The following CHD6 variants were observed in gnomAD, a reference collection of about 807,000 sequenced individuals.
CHD6 encodes chromodomain helicase DNA binding protein 6, also known as ATP-dependent chromatin remodeler CHD6.
In CHD6, 50 loss-of-function variants were observed where a neutral mutation model predicts 276.9. That is an observed-to-expected ratio of 0.18 (90% confidence interval 0.14 to 0.23). The LOEUF (loss-of-function observed/expected upper bound fraction) is 0.23, where lower values mean the gene tolerates loss of function less well. CHD6 is among the 10% of genes least tolerant of loss of function. CHD6 has a pLI of 1.00. For missense variants in CHD6, 2,564 were observed against 3,365.8 expected, an observed-to-expected ratio of 0.76 and a Z score of 5.89; for synonymous variants, 1,173 against 1,229.3, an observed-to-expected ratio of 0.95 and a Z score of 0.96.
At chr20:41,577,813 A>G (rs545416719) in intron 1 of CHD6, among the ~76,000 whole-genome samples, 1 of 152,358 alleles carries the variant, frequency 6.6e-6, no homozygotes, top group African/African-American at 2.4e-5. Flanking sequence ...TCTATAATCA[A>G]CTGTCTGGGT....
At chr20:41,547,888 G>GC in intron 2 of CHD6, 3 of 345,928 alleles carry the variant, frequency 8.7e-6, no homozygotes, top group Non-Finnish European at 1.7e-5. Context: ...ATCATGGATG[G>GC]CATCAACAGT....
At chr20:41,482,907 T>C (rs985289203) in intron 16 of CHD6, among the ~76,000 whole-genome samples, 3 of 152,212 alleles carry the variant, frequency 2.0e-5, no homozygotes, top group Non-Finnish European at 4.4e-5. Context: ...GTTGCCAGTT[T>C]ATGCTCTTTC....
chr20:41,432,284 C>T (rs750811221), intron 27 of CHD6, among the ~76,000 whole-genome samples: 1 of 152,054 alleles, frequency 6.6e-6, no homozygotes, highest in South Asian at 2.1e-4. Flanking sequence ...ATACCCCAGC[C>T]CAACAATGCA....
chr20:41,461,142 C>A (rs1174738289), intron 17 of CHD6, among the ~76,000 whole-genome samples: 1 of 152,250 alleles, frequency 6.6e-6, no homozygotes, highest in East Asian at 1.9e-4. Flanking sequence ...TTACCCAATA[C>A]CTGTATCCAA....
At chr20:41,437,683 G>A (rs980772621) in intron 26 of CHD6, among the ~76,000 whole-genome samples, 4 of 152,228 alleles carry the variant, frequency 2.6e-5, no homozygotes, top group African/African-American at 9.6e-5. Flanking sequence ...ACCCATGGAG[G>A]ATTGGTTCTC....
chr20:41,615,349 CAAAAAAAA>C (rs11379388), intron 1 of CHD6, among the ~76,000 whole-genome samples: 1 of 124,338 alleles, frequency 8.0e-6, no homozygotes, highest in Non-Finnish European at 1.8e-5. Context: ...CATTCCATTG[CAAAAAAAA>C]AAAAAAAAGT....
At position 41,421,957 on chromosome 20, in the gene CHD6, C is replaced by T; in HGVS notation, c.4678G>A (p.Glu1560Lys). The T allele has an allele frequency of 2.5e-6, 4 of 1,614,226 alleles. No homozygotes were observed. The highest frequency in any genetic ancestry group is 3.4e-6 in the Non-Finnish European group (4 of 1,180,046). Reference sequence around the variant, plus strand: ...CTGGGCCTGCACAGCTGGAGGCGTTCATGCAGCTGAGGGCACTTGAGCACT... The same window carrying T: ...CTGGGCCTGCACAGCTGGAGGCGTTTATGCAGCTGAGGGCACTTGAGCACT... The part of the protein sequence containing the change: ...EQVLKCPQLH[E>K]RLQLCRPSLY... Residue 1560 changes from glutamate (E) to lysine (K), a missense_variant, in exon 31 of 37, where the codon GAA becomes AAA. Glu to Lys is a moderately conservative substitution (Grantham distance 56, BLOSUM62 1). Coordinates refer to ENST00000373233, the MANE Select transcript of CHD6 (RefSeq NM_032221.5).
rs533836373 is a variant in CHD6 at position 41,449,880 on chromosome 20, C to T, written c.3683+1066G>A. Among the ~76,000 whole-genome samples, 3 of 152,288 alleles carry T rather than the reference C, an allele frequency of 2.0e-5. No homozygotes were observed. In the South Asian group the frequency reaches 6.2e-4, roughly 32 times the overall value. On this transcript the variant is annotated intron_variant, in intron 23 of 36. Coordinates refer to ENST00000373233, the MANE Select transcript of CHD6 (RefSeq NM_032221.5). ...CCATCCCCAGTGGATAACCATTATC[C>T]TGTCTGCTTTTAGCTTAGATTTGAA... is the stretch of plus-strand genomic sequence containing the variant.
chr20:41,521,295 T>C (rs1046942207), intron 3 of CHD6, among the ~76,000 whole-genome samples: 2 of 152,210 alleles, frequency 1.3e-5, no homozygotes, highest in African/African-American at 4.8e-5. Flanking sequence ...AAGGGGAAAG[T>C]ATAGCAAACC....
chr20:41,446,121 G>T (rs916448708), intron 24 of CHD6, among the ~76,000 whole-genome samples: 1 of 152,178 alleles, frequency 6.6e-6, no homozygotes, highest in Non-Finnish European at 1.5e-5. Context: ...TGATATATTG[G>T]ACATCTGAAG....
chr20:41,437,638 A>T (rs1331156265), intron 26 of CHD6, among the ~76,000 whole-genome samples: 1 of 152,230 alleles, frequency 6.6e-6, no homozygotes, highest in Non-Finnish European at 1.5e-5. Context: ...GGTATCCTCC[A>T]TGAATAAAGT....
At chr20:41,613,531 T>C (rs2045908316) in intron 1 of CHD6, among the ~76,000 whole-genome samples, 1 of 152,200 alleles carries the variant, frequency 6.6e-6, no homozygotes. Context: ...AGGGAAGAAT[T>C]TGGGGGATAA....
intron 5 of CHD6, among the ~76,000 whole-genome samples, chr20:41,506,121 G>A (rs2043970102): frequency 6.6e-6 from 1 of 152,016 alleles, no homozygotes; most frequent in Admixed American, 6.6e-5. Context: ...AACCTGATCT[G>A]TACCACCTTC....
At chr20:41,537,503 T>G (rs1421146127) in intron 2 of CHD6, among the ~76,000 whole-genome samples, 1 of 152,196 alleles carries the variant, frequency 6.6e-6, no homozygotes, top group East Asian at 1.9e-4. Context: ...TTGGTATTCA[T>G]GTAAGGCGTT....
intron 17 of CHD6, among the ~76,000 whole-genome samples, chr20:41,462,700 A>G (rs765444168): frequency 4.6e-5 from 7 of 152,268 alleles, no homozygotes; most frequent in Non-Finnish European, 5.9e-5. Flanking sequence ...ACACACATAC[A>G]TATACATAAA....
chr20:41,605,873 G>C (rs2045822317), intron 1 of CHD6, among the ~76,000 whole-genome samples: 1 of 152,138 alleles, frequency 6.6e-6, no homozygotes, highest in South Asian at 2.1e-4. Context: ...ATGAATACTT[G>C]ACCAAATGAA....
chr20:41,551,202 T>C (rs1228302440), intron 2 of CHD6, 103 bp downstream of exon 2: 1 of 761,140 alleles, frequency 1.3e-6, no homozygotes, highest in Non-Finnish European at 2.3e-6. Flanking sequence ...ACAGGGAAAG[T>C]ACCAGAGATT....
chr20:41,480,842 G>A (rs2043278977), intron 16 of CHD6, among the ~76,000 whole-genome samples: 1 of 152,078 alleles, frequency 6.6e-6, no homozygotes, highest in East Asian at 1.9e-4. Flanking sequence ...TTTAAATTAT[G>A]TGCACATACA....
At chr20:41,491,629 T>C (rs117723729) in intron 11 of CHD6, 69 bp downstream of exon 11, 22,376 of 1,596,124 alleles carry the variant, frequency 0.014, 196 homozygotes, top group Non-Finnish European at 0.017. Flanking sequence ...ACTGCGACTC[T>C]AGGTGTTCCA....
Sources: allele counts gnomAD v4.1 joint callset (sites outside exome capture counted in the v4.1 genomes callset), GRCh38; gene constraint gnomAD v4.1.1; transcripts MANE v1.5; gene names NCBI Gene and HGNC (gene_info 2026-07-23, HGNC 2026-07-21).